Variants in CSMD3 observed in about 807,000 individuals in gnomAD.
The protein encoded by CSMD3 is CUB and sushi domain-containing protein 3.
Under a neutral mutation model 435.2 loss-of-function variants are expected in CSMD3, and 177 were observed. The ratio of observed to expected loss-of-function variants is 0.41; its 90% CI spans 0.36 to 0.46. CSMD3 has a LOEUF of 0.46. Among genes scored for constraint, CSMD3 ranks in the 20% least tolerant of loss-of-function variants. The probability of loss-of-function intolerance (pLI) is 0.34; values close to 1 mark genes in which losing one functional copy is unlikely to be tolerated. For missense variants in CSMD3, 4,265 were observed against 4,504.6 expected, an observed-to-expected ratio of 0.95 and a Z score of 1.52; for synonymous variants, 1,656 against 1,520.5, an observed-to-expected ratio of 1.09 and a Z score of -2.07.
rs959668211 is a variant in CSMD3, at chr8:113,193,234, A to G, written c.515-19318T>C. ...TGTATCTGAGACCTACTATTCAGAG[A>G]CTGTTTTACCACATTCAGAGACAAG... On this transcript the variant is annotated intron_variant, in intron 3 of 70. Coordinates refer to ENST00000297405, the MANE Select transcript of CSMD3 (RefSeq NM_198123.2). Among the ~76,000 whole-genome samples the G allele has an allele frequency of 4.0e-5, 6 of 151,164 alleles. No individual in the cohort carries two copies. The Admixed American group carries it at 4.0e-4, about 10-fold the overall frequency.
intron 5 of CSMD3, among the ~76,000 whole-genome samples, chr8:113,075,806 T>C (rs553707727): frequency 6.6e-6 from 1 of 151,214 alleles, no homozygotes; most frequent in South Asian, 2.1e-4. Flanking sequence ...GAAAAAAAAT[T>C]TGTAAAGTAT....
At chr8:113,251,229 T>A (rs72670713) in intron 3 of CSMD3, among the ~76,000 whole-genome samples, 1 of 152,002 alleles carries the variant, frequency 6.6e-6, no homozygotes, top group African/African-American at 2.4e-5. Flanking sequence ...TGATTATCAA[T>A]GTCTCATTCA....
intron 1 of CSMD3, among the ~76,000 whole-genome samples, chr8:113,323,255 A>C (rs531686229): frequency 6.6e-6 from 1 of 152,306 alleles, no homozygotes; most frequent in Non-Finnish European, 1.5e-5. Context: ...TATATCCTCA[A>C]GGCTTAGTAT....
At chr8:113,148,728 G>A (rs906257297) in intron 4 of CSMD3, among the ~76,000 whole-genome samples, 1 of 151,562 alleles carries the variant, frequency 6.6e-6, no homozygotes, top group Non-Finnish European at 1.5e-5. Context: ...GTAAACACCT[G>A]TAAAACAAAA....
intron 59 of CSMD3, among the ~76,000 whole-genome samples, chr8:112,267,053 T>C (rs1817019492): frequency 6.6e-6 from 1 of 152,252 alleles, no homozygotes; most frequent in South Asian, 2.1e-4. Context: ...AATTCACTTT[T>C]CCCAATATTT....
chr8:112,240,891 C>T (rs1336575034), intron 66 of CSMD3, among the ~76,000 whole-genome samples: 1 of 152,004 alleles, frequency 6.6e-6, no homozygotes. Flanking sequence ...TATCTCTTTG[C>T]CCGCTCGCAT....
chr8:112,335,547 A>C (rs1276065442), intron 44 of CSMD3, 73 bp from the exon 45 acceptor site: 1 of 1,282,732 alleles, frequency 7.8e-7, no homozygotes, highest in South Asian at 1.2e-5. Flanking sequence ...CGTATTTAAT[A>C]AAAGTATTGC....
intron 6 of CSMD3, among the ~76,000 whole-genome samples, chr8:113,001,167 A>G (rs975946259): frequency 1.3e-5 from 2 of 152,066 alleles, no homozygotes; most frequent in African/African-American, 4.8e-5. Flanking sequence ...TGTTTCCTAC[A>G]TTCATTTTTG....
intron 32 of CSMD3, among the ~76,000 whole-genome samples, chr8:112,449,472 C>A (rs1816013552): frequency 6.6e-6 from 1 of 151,970 alleles, no homozygotes; most frequent in Non-Finnish European, 1.5e-5. Context: ...ATGAAGCTAA[C>A]CCTAAGAAAA....
intron 1 of CSMD3, among the ~76,000 whole-genome samples, chr8:113,321,314 A>G (rs1226444584): frequency 1.3e-5 from 2 of 152,018 alleles, no homozygotes; most frequent in Admixed American, 1.3e-4. Context: ...GCCATATTCC[A>G]TCTTTAATTT....
At chr8:113,251,103 G>A (rs1275554017) in intron 3 of CSMD3, among the ~76,000 whole-genome samples, 1 of 152,076 alleles carries the variant, frequency 6.6e-6, no homozygotes, top group Non-Finnish European at 1.5e-5. Context: ...TGTGCAAAAT[G>A]TGAATAGTAA....
At chr8:112,271,310 T>C (rs1817510960) in intron 59 of CSMD3, among the ~76,000 whole-genome samples, 1 of 152,192 alleles carries the variant, frequency 6.6e-6, no homozygotes, top group African/African-American at 2.4e-5. Context: ...GGTCGTTTCA[T>C]TAAGAAATGA....
At chr8:113,231,772 A>G (rs2093090352) in intron 3 of CSMD3, among the ~76,000 whole-genome samples, 1 of 151,544 alleles carries the variant, frequency 6.6e-6, no homozygotes, top group African/African-American at 2.4e-5. Context: ...AAAATATTAG[A>G]TAAATACCTT....
chr8:112,999,690 C>T (rs1281205604), intron 6 of CSMD3, among the ~76,000 whole-genome samples: 1 of 151,322 alleles, frequency 6.6e-6, no homozygotes, highest in African/African-American at 2.4e-5. Context: ...TGGCAGGAAA[C>T]TGAGTGTTTA....
At position 112,291,652 on chromosome 8, in the gene CSMD3, T is replaced by TC; in HGVS notation, c.8831dup (p.Glu2945ArgfsTer3). Reference sequence around the variant, plus strand: ...AATTTCCATGTTCTATTTTACTTTCTCTTTTAGAATTGGCTGGAATTCCAG... The same window carrying TC: ...AATTTCCATGTTCTATTTTACTTTCTCCTTTTAGAATTGGCTGGAATTCCAG... On this transcript the variant is annotated frameshift_variant, in exon 56 of 71. Coordinates refer to ENST00000297405, the MANE Select transcript of CSMD3 (RefSeq NM_198123.2). LOFTEE classifies it high-confidence loss of function. 2 of 1,612,632 alleles carry TC rather than the reference T, an allele frequency of 1.2e-6. No individual in the cohort carries two copies. The highest frequency in any genetic ancestry group is 1.7e-6 in the Non-Finnish European group (2 of 1,178,958).
intron 59 of CSMD3, among the ~76,000 whole-genome samples, chr8:112,274,630 C>T (rs1817859115): frequency 6.6e-6 from 1 of 152,078 alleles, no homozygotes; most frequent in Non-Finnish European, 1.5e-5. Context: ...GACATGGGGC[C>T]AGGAATGCCA....
intron 38 of CSMD3, among the ~76,000 whole-genome samples, chr8:112,359,785 C>G (rs1827007019): frequency 1.3e-5 from 2 of 152,042 alleles, no homozygotes; most frequent in African/African-American, 4.8e-5. Flanking sequence ...AATCCCAATG[C>G]CCAGTGCCTT....
At chr8:112,284,396 T>C (rs977449946) in intron 58 of CSMD3, among the ~76,000 whole-genome samples, 3 of 151,838 alleles carry the variant, frequency 2.0e-5, no homozygotes, top group African/African-American at 7.2e-5. Context: ...AAAATACCAA[T>C]AATTTCACAA....
intron 38 of CSMD3, among the ~76,000 whole-genome samples, chr8:112,364,141 T>G (rs1163326075): frequency 6.6e-6 from 1 of 152,020 alleles, no homozygotes; most frequent in Non-Finnish European, 1.5e-5. Flanking sequence ...ATAACAGTTA[T>G]GCTGAATTGA....
Sources: gnomAD v4.1 joint callset for allele counts (sites outside exome capture counted in the v4.1 genomes callset) on GRCh38, gnomAD v4.1.1 for gene constraint, MANE v1.5 for transcripts, NCBI Gene and HGNC (gene_info 2026-07-23, HGNC 2026-07-21) for gene names.